Variants in CCDC85A observed in about 807,000 individuals in gnomAD.
CCDC85A encodes the protein coiled-coil domain containing 85A.
CCDC85A carries 38 observed loss-of-function variants against 50.2 expected under a neutral mutation model. That is an observed-to-expected ratio of 0.76 (90% confidence interval 0.58 to 0.99). The LOEUF (loss-of-function observed/expected upper bound fraction) is 0.99, where lower values mean the gene tolerates loss of function less well. Among genes scored for constraint, CCDC85A ranks in the 50% least tolerant of loss-of-function variants. The pLI is 0.00. For missense variants in CCDC85A, 820 were observed against 742.0 expected (o/e 1.11, Z -1.22); for synonymous variants, 366 against 301.4 (o/e 1.21, Z -2.22).
At chr2:56,366,535 T>C (rs1032153732) in intron 3 of CCDC85A, among the ~76,000 whole-genome samples, 3 of 152,358 alleles carry the variant, frequency 2.0e-5, no homozygotes, top group Admixed American at 2.0e-4. Flanking sequence ...TCCTTTGCTA[T>C]TTGTATGTCT....
intron 2 of CCDC85A, among the ~76,000 whole-genome samples, chr2:56,265,330 C>G (rs554831246): frequency 6.6e-6 from 1 of 152,300 alleles, no homozygotes; most frequent in Non-Finnish European, 1.5e-5. Flanking sequence ...ACACAGCTAC[C>G]TGTTAAGATT....
At chr2:56,194,006 C>G (rs989114530) in intron 2 of CCDC85A, among the ~76,000 whole-genome samples, 1 of 151,924 alleles carries the variant, frequency 6.6e-6, no homozygotes, top group African/African-American at 2.4e-5. Flanking sequence ...GATTTTTTTT[C>G]CATTGTGTTG....
At chr2:56,355,295 C>T (rs1675166889) in intron 3 of CCDC85A, among the ~76,000 whole-genome samples, 1 of 152,166 alleles carries the variant, frequency 6.6e-6, no homozygotes, top group African/African-American at 2.4e-5. Context: ...CTGTTAAGGC[C>T]AGGAAATGGA....
At chr2:56,284,162 A>G (rs1671325051) in intron 2 of CCDC85A, among the ~76,000 whole-genome samples, 6 of 151,996 alleles carry the variant, frequency 3.9e-5, no homozygotes, top group Admixed American at 3.9e-4. Flanking sequence ...ATACTTGGGC[A>G]TTGCTAGATA....
chr2:56,305,560 G>A (rs111357425), intron 2 of CCDC85A, among the ~76,000 whole-genome samples: 32 of 152,302 alleles, frequency 2.1e-4, no homozygotes, highest in Admixed American at 7.2e-4. Flanking sequence ...GAAGGCAAGG[G>A]CACAGCCCAT....
intron 2 of CCDC85A, among the ~76,000 whole-genome samples, chr2:56,309,084 G>A (rs1428358753): frequency 6.6e-6 from 1 of 152,170 alleles, no homozygotes. Flanking sequence ...CGATAGTTCT[G>A]CTGTACTGAG....
chr2:56,249,564 G>A lies in CCDC85A; in HGVS notation c.1240+56124G>A, dbSNP rs371971960. On this transcript the variant is annotated intron_variant, in intron 2 of 5. Coordinates refer to ENST00000407595, the MANE Select transcript of CCDC85A (RefSeq NM_001080433.2). ...GAGGTCACTGGGTCATTGGTCAGCAGCTTTATTTAGATCAGCTGCCTTTGC... is the reference window on the plus strand; with the variant it reads ...GAGGTCACTGGGTCATTGGTCAGCAACTTTATTTAGATCAGCTGCCTTTGC... 4.1e-4 allele frequency among the ~76,000 whole-genome samples: 63 copies of A among 152,368 alleles called. 2 individuals are homozygous for A. In the South Asian group the frequency reaches 0.013, roughly 32 times the overall value.
chr2:56,285,321 C>A (rs1181967845), intron 2 of CCDC85A, among the ~76,000 whole-genome samples: 2 of 151,214 alleles, frequency 1.3e-5, no homozygotes, highest in Non-Finnish European at 2.9e-5. Context: ...CCAGACTGAT[C>A]TTGAACTCCT....
At chr2:56,322,431 T>A (rs181533917) in intron 2 of CCDC85A, among the ~76,000 whole-genome samples, 57 of 152,100 alleles carry the variant, frequency 3.7e-4, no homozygotes, top group African/African-American at 1.4e-3. Context: ...TACAAAAAAC[T>A]CAAACAGATT....
At chr2:56,273,528 C>T (rs1322491130) in intron 2 of CCDC85A, among the ~76,000 whole-genome samples, 1 of 151,666 alleles carries the variant, frequency 6.6e-6, no homozygotes, top group Non-Finnish European at 1.5e-5. Flanking sequence ...TATTTCATAC[C>T]CATGAAAATG....
chr2:56,242,244 T>C (rs1669294614), intron 2 of CCDC85A, among the ~76,000 whole-genome samples: 1 of 152,188 alleles, frequency 6.6e-6, no homozygotes, highest in African/African-American at 2.4e-5. Flanking sequence ...CTTGTTCAGA[T>C]AGTGTATTAG....
chr2:56,362,955 G>C (rs1448224966), intron 3 of CCDC85A, among the ~76,000 whole-genome samples: 4 of 152,056 alleles, frequency 2.6e-5, no homozygotes, highest in Non-Finnish European at 4.4e-5. Context: ...CAGAGGTATG[G>C]ATGATTTTGG....
At chr2:56,246,722 G>A (rs1669528057) in intron 2 of CCDC85A, among the ~76,000 whole-genome samples, 1 of 152,068 alleles carries the variant, frequency 6.6e-6, no homozygotes, top group South Asian at 2.1e-4. Context: ...TAGTTGACCT[G>A]TATGTTTATA....
intron 2 of CCDC85A, among the ~76,000 whole-genome samples, chr2:56,202,166 G>C (rs1676772937): frequency 6.6e-6 from 1 of 152,188 alleles, no homozygotes; most frequent in African/African-American, 2.4e-5. Context: ...TGTGAGATAA[G>C]ATAAGTATCA....
Position 56,193,230 on chromosome 2 carries a change from C to T in CCDC85A, c.1030C>T (p.Leu344Phe). ...CCCGGAGCATCTTCAGAAACACGCT[C>T]TTGGGGGGAGCCTAGAGCATCTCCC... ...GSPEHLQKHA[L>F]GGSLEHLPRA... The change falls in exon 2 of 6, where the codon CTT becomes TTT. Residue 344 changes from leucine to phenylalanine, a missense_variant. Physicochemically the swap from Leu to Phe is conservative, Grantham distance 22. Coordinates refer to ENST00000407595, the MANE Select transcript of CCDC85A (RefSeq NM_001080433.2). 6.2e-7 allele frequency: 1 copy of T among 1,612,808 alleles called. No homozygotes were observed. The highest frequency in any genetic ancestry group is 8.5e-7 in the Non-Finnish European group (1 of 1,179,544).
intron 2 of CCDC85A, among the ~76,000 whole-genome samples, chr2:56,337,543 G>A (rs114095418): frequency 6.6e-6 from 1 of 152,072 alleles, no homozygotes; most frequent in Non-Finnish European, 1.5e-5. Context: ...GTTTACAATA[G>A]GATCATTTTT....
intron 2 of CCDC85A, among the ~76,000 whole-genome samples, chr2:56,330,293 T>A (rs1673718598): frequency 6.6e-6 from 1 of 152,158 alleles, no homozygotes; most frequent in South Asian, 2.1e-4. Context: ...TCCTGGTACC[T>A]CCTTTGTGGG....
At chr2:56,199,800 ACTGCATGAG>A (rs954392682) in intron 2 of CCDC85A, among the ~76,000 whole-genome samples, 64 of 152,326 alleles carry the variant, frequency 4.2e-4, no homozygotes, top group Middle Eastern at 3.4e-3. Flanking sequence ...CTAAGAGTAA[ACTGCATGAG>A]CTTCAGTGCA....
chr2:56,251,475 A>G (rs925542592), intron 2 of CCDC85A, among the ~76,000 whole-genome samples: 3 of 151,930 alleles, frequency 2.0e-5, no homozygotes, highest in Non-Finnish European at 4.4e-5. Flanking sequence ...ACAAATGCTT[A>G]TTTTCTGTGG....
Sources: allele counts gnomAD v4.1 joint callset (sites outside exome capture counted in the v4.1 genomes callset), GRCh38; gene constraint gnomAD v4.1.1; transcripts MANE v1.5; gene names NCBI Gene and HGNC (gene_info 2026-07-23, HGNC 2026-07-21).